Variants in LRRC4C observed in about 807,000 individuals in gnomAD.
LRRC4C encodes the protein leucine-rich repeat-containing protein 4C.
In LRRC4C, 5 loss-of-function variants were observed where a neutral mutation model predicts 33.6. The observed-to-expected ratio is 0.15, with a 90% CI of 0.08 to 0.31. The LOEUF is 0.31. LRRC4C is among the 10% of genes least tolerant of loss of function. The probability of loss-of-function intolerance (pLI) is 1.00; values close to 1 mark genes in which losing one functional copy is unlikely to be tolerated. For synonymous variants in LRRC4C, 329 were observed against 302.0 expected (o/e 1.09, Z -0.93); for missense variants, 560 against 796.7 (o/e 0.70, Z 3.58).
At chr11:40,808,063 G>C (rs1321888226) in intron 2 of LRRC4C, among the ~76,000 whole-genome samples, 1 of 152,012 alleles carries the variant, frequency 6.6e-6, no homozygotes, top group Non-Finnish European at 1.5e-5. Context: ...TTGTAAAATG[G>C]GAAGAATAAT....
chr11:41,283,359 T>G (rs1467753282), intron 1 of LRRC4C, among the ~76,000 whole-genome samples: 6 of 152,200 alleles, frequency 3.9e-5, no homozygotes, highest in Non-Finnish European at 5.9e-5. Context: ...TGAAACGACC[T>G]AAATATCTAA....
chr11:41,262,423 A>T (rs1177080591), intron 1 of LRRC4C, among the ~76,000 whole-genome samples: 1 of 147,692 alleles, frequency 6.8e-6, no homozygotes, highest in Non-Finnish European at 1.5e-5. Flanking sequence ...AAAAAAAAAT[A>T]GAAAAATAGT....
chr11:41,296,959 C>T (rs1012899347), intron 1 of LRRC4C, among the ~76,000 whole-genome samples: 4 of 152,060 alleles, frequency 2.6e-5, no homozygotes, highest in African/African-American at 4.8e-5. Context: ...TTTCTTTTAC[C>T]GGATCTTAAT....
At chr11:40,394,109 A>G (rs999651415) in intron 3 of LRRC4C, among the ~76,000 whole-genome samples, 14 of 152,230 alleles carry the variant, frequency 9.2e-5, no homozygotes, top group Middle Eastern at 3.4e-3. Flanking sequence ...TCTTGTTTAG[A>G]TAATGTTGGG....
At chr11:40,845,319 C>T (rs1407605233) in intron 2 of LRRC4C, among the ~76,000 whole-genome samples, 1 of 152,022 alleles carries the variant, frequency 6.6e-6, no homozygotes, top group African/African-American at 2.4e-5. Flanking sequence ...ACCTACATGT[C>T]GACAGGCCCC....
intron 1 of LRRC4C, among the ~76,000 whole-genome samples, chr11:41,219,691 C>T (rs1420026692): frequency 6.6e-6 from 1 of 152,224 alleles, no homozygotes; most frequent in Admixed American, 6.5e-5. Flanking sequence ...TTGGGAAAAT[C>T]ACCCGGTGTT....
At chr11:41,012,356 A>G (rs1358159699) in intron 1 of LRRC4C, among the ~76,000 whole-genome samples, 2 of 152,156 alleles carry the variant, frequency 1.3e-5, no homozygotes, top group Non-Finnish European at 2.9e-5. Flanking sequence ...TGCTTGGCTT[A>G]TTTCACTTAA....
chr11:41,279,963 A>ATCTCTCAG (rs897102908), intron 1 of LRRC4C, among the ~76,000 whole-genome samples: 56 of 152,116 alleles, frequency 3.7e-4, no homozygotes, highest in African/African-American at 1.2e-3. Flanking sequence ...TATTTTCCTG[A>ATCTCTCAG]TCTCTCAGTT....
At chr11:41,185,877 AAAG>A (rs1945672876) in intron 1 of LRRC4C, among the ~76,000 whole-genome samples, 1 of 152,100 alleles carries the variant, frequency 6.6e-6, no homozygotes, top group Non-Finnish European at 1.5e-5. Context: ...AATTTTAAAA[AAAG>A]AAAAAAAGAT....
intron 4 of LRRC4C, among the ~76,000 whole-genome samples, 172 bp downstream of exon 4, chr11:40,319,456 G>C (rs1945734983): frequency 6.6e-6 from 1 of 152,138 alleles, no homozygotes. Context: ...GTTCGTTTTT[G>C]CCGCATGCAC....
At chr11:40,897,818 A>T (rs1956015292) in intron 2 of LRRC4C, among the ~76,000 whole-genome samples, 1 of 152,130 alleles carries the variant, frequency 6.6e-6, no homozygotes, top group African/African-American at 2.4e-5. Context: ...ATCCCTCTGT[A>T]AAACATACTG....
At chr11:40,628,033 C>A (rs1302649463) in intron 3 of LRRC4C, among the ~76,000 whole-genome samples, 1 of 152,130 alleles carries the variant, frequency 6.6e-6, no homozygotes, top group Admixed American at 6.5e-5. Flanking sequence ...CATAATGTCA[C>A]TTGAAAGGAT....
intron 3 of LRRC4C, among the ~76,000 whole-genome samples, chr11:40,603,089 C>T (rs988479209): frequency 6.6e-6 from 1 of 152,090 alleles, no homozygotes; most frequent in Admixed American, 6.5e-5. Flanking sequence ...GAATGGCACA[C>T]AGGCACAAGG....
chr11:40,487,126 A>G (rs893348286), intron 3 of LRRC4C, among the ~76,000 whole-genome samples: 10 of 152,060 alleles, frequency 6.6e-5, no homozygotes, highest in African/African-American at 2.2e-4. Flanking sequence ...TTTAGCTACT[A>G]TCCGTGAACT....
intron 3 of LRRC4C, among the ~76,000 whole-genome samples, chr11:40,406,090 G>T (rs1282612983): frequency 6.6e-6 from 1 of 152,096 alleles, no homozygotes; most frequent in East Asian, 1.9e-4. Context: ...CTGTAACTGA[G>T]CTAGTCCAAC....
rs191167769 is a variant in LRRC4C at position 40,849,065 on chromosome 11, T to C, written c.-407+84570A>G. On this transcript the variant is annotated intron_variant, in intron 2 of 6. Coordinates refer to ENST00000528697, the MANE Select transcript of LRRC4C (RefSeq NM_001258419.2). ...CTTTTCACGAGATGGGTCTCCTGAA[T>C]ACAGCACACATATGGTTCTTGACTA... 4.6e-5 allele frequency among the ~76,000 whole-genome samples: 7 copies of C among 152,338 alleles called. No homozygotes were observed. In the East Asian group the frequency reaches 9.7e-4, roughly 21 times the overall value.
chr11:40,175,788 T>C (rs1590620805), intron 5 of LRRC4C, among the ~76,000 whole-genome samples: 1 of 152,232 alleles, frequency 6.6e-6, no homozygotes, highest in African/African-American at 2.4e-5. Flanking sequence ...ATATACCGTC[T>C]TCTGCTCTCC....
chr11:41,029,494 A>G (rs1020006625), intron 1 of LRRC4C, among the ~76,000 whole-genome samples: 5 of 151,774 alleles, frequency 3.3e-5, no homozygotes, highest in African/African-American at 1.2e-4. Context: ...TGTGATGACT[A>G]TGTGTTCAAT....
At position 40,916,045 on chromosome 11, in the gene LRRC4C, C is replaced by T. The variant is rs9736031; in HGVS notation, c.-407+17590G>A. On this transcript the variant is annotated intron_variant, in intron 2 of 6. Transcript: ENST00000528697. ...TGGCAATCATTAAAAAGTCAGGAAA[C>T]AACAGGTGCTGGAGAGGATGTGGAG... Among the ~76,000 whole-genome samples the T allele has an allele frequency of 2.0e-3, 297 of 152,254 alleles. 1 individual carries two copies. Among genetic ancestry groups the T allele is most frequent in the African/African-American group, 6.7e-3 (280 of 41,556 alleles).
Sources: gnomAD v4.1 joint callset for allele counts (sites outside exome capture counted in the v4.1 genomes callset) on GRCh38, gnomAD v4.1.1 for gene constraint, MANE v1.5 for transcripts, NCBI Gene and HGNC (gene_info 2026-07-23, HGNC 2026-07-21) for gene names.